The following DGKB variants were observed in gnomAD, a reference collection of about 807,000 sequenced individuals.
DGKB encodes 90 kDa diacylglycerol kinase.
A neutral mutation model predicts 114.3 loss-of-function variants in DGKB; 67 were observed. The observed-to-expected ratio is 0.59, with a 90% CI of 0.48 to 0.72. The LOEUF (loss-of-function observed/expected upper bound fraction) is 0.72, where lower values mean the gene tolerates loss of function less well. DGKB is among the 30% of genes least tolerant of loss of function. The probability of loss-of-function intolerance (pLI) is 0.00; values close to 1 mark genes in which losing one functional copy is unlikely to be tolerated. For missense variants in DGKB, 907 were observed against 975.2 expected, an observed-to-expected ratio of 0.93 and a Z score of 0.93; for synonymous variants, 398 against 323.1, an observed-to-expected ratio of 1.23 and a Z score of -2.49.
At chr7:14,900,101 A>G (rs1354685511) in intron 1 of DGKB, among the ~76,000 whole-genome samples, 3 of 152,162 alleles carry the variant, frequency 2.0e-5, no homozygotes, top group African/African-American at 7.2e-5. Flanking sequence ...ATAACTGCCC[A>G]CTACTACTCA....
At chr7:14,338,924 T>TA (rs1811141806) in intron 22 of DGKB, among the ~76,000 whole-genome samples, 1 of 152,048 alleles carries the variant, frequency 6.6e-6, no homozygotes, top group South Asian at 2.1e-4. Context: ...TAGAAGTCCT[T>TA]AAAAATGATC....
At chr7:14,633,503 C>A (rs1251378289) in intron 13 of DGKB, among the ~76,000 whole-genome samples, 2 of 151,764 alleles carry the variant, frequency 1.3e-5, no homozygotes, top group African/African-American at 2.4e-5. Context: ...GTAGTTTATT[C>A]CTGTTACAAT....
intron 1 of DGKB, among the ~76,000 whole-genome samples, chr7:14,860,896 T>G (rs1323474995): frequency 6.6e-6 from 1 of 151,954 alleles, no homozygotes; most frequent in Non-Finnish European, 1.5e-5. Flanking sequence ...AATACAATTA[T>G]AAATATTAAG....
intron 13 of DGKB, among the ~76,000 whole-genome samples, chr7:14,646,634 C>T (rs991784969): frequency 4.6e-5 from 7 of 152,064 alleles, no homozygotes; most frequent in African/African-American, 1.7e-4. Flanking sequence ...AAAATTCTCT[C>T]AAGCATCTTC....
At chr7:14,963,563 T>C (rs772937584) in intron 1 of DGKB, among the ~76,000 whole-genome samples, 1 of 152,180 alleles carries the variant, frequency 6.6e-6, no homozygotes, top group Non-Finnish European at 1.5e-5. Context: ...AATCAGGTGT[T>C]TCCTTAAAAG....
intron 25 of DGKB, among the ~76,000 whole-genome samples, chr7:14,165,216 T>G (rs1784448887): frequency 6.6e-6 from 1 of 152,180 alleles, no homozygotes; most frequent in Non-Finnish European, 1.5e-5. Context: ...CTATTTCAGT[T>G]GCAGATGCCA....
At chr7:14,727,390 A>G (rs1830178558) in intron 5 of DGKB, among the ~76,000 whole-genome samples, 1 of 152,190 alleles carries the variant, frequency 6.6e-6, no homozygotes, top group Non-Finnish European at 1.5e-5. Context: ...TATTGCAAGG[A>G]AGAGGTTGGC....
intron 21 of DGKB, among the ~76,000 whole-genome samples, chr7:14,408,696 A>G (rs185819351): frequency 7.2e-5 from 11 of 152,264 alleles, no homozygotes; most frequent in African/African-American, 2.6e-4. Flanking sequence ...TTGATAATGA[A>G]TCCAAGCTTT....
intron 20 of DGKB, among the ~76,000 whole-genome samples, chr7:14,536,660 T>C (rs958473491): frequency 7.2e-5 from 11 of 152,154 alleles, no homozygotes; most frequent in African/African-American, 2.2e-4. Context: ...ATATTAGATA[T>C]AGAAGGAAGC....
At chr7:14,747,929 A>C (rs1229198317) in intron 4 of DGKB, among the ~76,000 whole-genome samples, 1 of 152,244 alleles carries the variant, frequency 6.6e-6, no homozygotes, top group East Asian at 1.9e-4. Context: ...GTCGCTGCCA[A>C]ATTGGCACAG....
At chr7:14,635,355 C>A (rs1297767040) in intron 13 of DGKB, among the ~76,000 whole-genome samples, 1 of 151,060 alleles carries the variant, frequency 6.6e-6, no homozygotes, top group Non-Finnish European at 1.5e-5. Context: ...CTATTAGAGA[C>A]ACAGAAGAAA....
chr7:14,899,244 T>C (rs1034265580), intron 1 of DGKB, among the ~76,000 whole-genome samples: 1 of 152,136 alleles, frequency 6.6e-6, no homozygotes, highest in African/African-American at 2.4e-5. Context: ...GAATCAGCGA[T>C]ATGTCCAACT....
At chr7:14,633,554 C>G (rs1184600447) in intron 13 of DGKB, among the ~76,000 whole-genome samples, 1 of 151,824 alleles carries the variant, frequency 6.6e-6, no homozygotes, top group Non-Finnish European at 1.5e-5. Context: ...AAAGTAGAAA[C>G]TTATTAGAAA....
intron 1 of DGKB, among the ~76,000 whole-genome samples, chr7:14,939,434 C>T (rs1159089351): frequency 1.3e-5 from 2 of 152,110 alleles, no homozygotes; most frequent in East Asian, 1.9e-4. Flanking sequence ...GTTGTGATGG[C>T]TCCAACTCCA....
At chr7:14,718,114 G>A (rs1828523994) in intron 6 of DGKB, among the ~76,000 whole-genome samples, 1 of 152,162 alleles carries the variant, frequency 6.6e-6, no homozygotes, top group Admixed American at 6.5e-5. Context: ...TGTTAGTGCT[G>A]AAGATTGCAA....
At chr7:14,711,600 G>A (rs931215772) in intron 6 of DGKB, among the ~76,000 whole-genome samples, 2 of 152,102 alleles carry the variant, frequency 1.3e-5, no homozygotes, top group African/African-American at 4.8e-5. Context: ...AGGAGCTGGA[G>A]AAAATATGTA....
chr7:14,468,498 C>T (rs1215425437), intron 21 of DGKB, among the ~76,000 whole-genome samples: 1 of 149,088 alleles, frequency 6.7e-6, no homozygotes, highest in East Asian at 2.0e-4. Flanking sequence ...CAGTTTCTTC[C>T]CTTTAAACTA....
intron 2 of DGKB, among the ~76,000 whole-genome samples, chr7:14,781,552 A>G (rs113183682): frequency 1.3e-5 from 2 of 152,102 alleles, no homozygotes; most frequent in African/African-American, 4.8e-5. Flanking sequence ...CTTAATCACA[A>G]TTTTTCCTTG....
chr7:14,747,623 C>A (rs994621924), intron 4 of DGKB, among the ~76,000 whole-genome samples: 1 of 151,976 alleles, frequency 6.6e-6, no homozygotes, highest in Non-Finnish European at 1.5e-5. Context: ...CATGTAACAG[C>A]ATTAGAATTG....
Sources: allele counts gnomAD v4.1 joint callset (sites outside exome capture counted in the v4.1 genomes callset), GRCh38; gene constraint gnomAD v4.1.1; transcripts MANE v1.5; gene names NCBI Gene and HGNC (gene_info 2026-07-23, HGNC 2026-07-21).